ZSCAN5A: variants seen among roughly 807,000 people sequenced by gnomAD.
ZSCAN5A encodes zinc finger and SCAN domain-containing protein 5A.
In ZSCAN5A, 12 loss-of-function variants were observed where a neutral mutation model predicts 23.7. The observed-to-expected ratio is 0.51, with a 90% CI of 0.32 to 0.82. ZSCAN5A has a LOEUF of 0.82. Ranked by LOEUF, ZSCAN5A falls within the 40% of genes least tolerant of loss-of-function variation. The pLI is 0.03. For missense variants in ZSCAN5A, 597 were observed against 617.9 expected (o/e 0.97, Z 0.36); for synonymous variants, 257 against 239.9 (o/e 1.07, Z -0.66).
At chr19:56,258,039 CG>C (rs1333236750) in intron 2 of ZSCAN5A, among the ~76,000 whole-genome samples, 67 of 55,968 alleles carry the variant, frequency 1.2e-3, no homozygotes, top group Non-Finnish European at 1.2e-3. Flanking sequence ...CACCACTGCC[CG>C]ATCTTCTTAG....
intron 2 of ZSCAN5A, among the ~76,000 whole-genome samples, chr19:56,229,326 C>T (rs1051213566): frequency 1.3e-5 from 2 of 152,212 alleles, no homozygotes; most frequent in African/African-American, 4.8e-5. Context: ...GAACTTCAAA[C>T]TTCTTGGGAG....
At chr19:56,289,633 A>G (rs1289672912) in intron 2 of ZSCAN5A, among the ~76,000 whole-genome samples, 2 of 152,014 alleles carry the variant, frequency 1.3e-5, no homozygotes, top group Non-Finnish European at 2.9e-5. Flanking sequence ...GGTTTTTTTG[A>G]GATGGGTTCT....
intron 2 of ZSCAN5A, among the ~76,000 whole-genome samples, chr19:56,311,681 T>G (rs1166694770): frequency 6.6e-6 from 1 of 152,198 alleles, no homozygotes; most frequent in Non-Finnish European, 1.5e-5. Context: ...ATATATATTT[T>G]TAAGTTCCAC....
intron 2 of ZSCAN5A, chr19:56,342,629 A>G (rs968090083): frequency 2.1e-6 from 1 of 472,816 alleles, no homozygotes; most frequent in African/African-American, 2.0e-5. Context: ...GATTAGGGAA[A>G]AAAATTTGGA....
At chr19:56,228,906 A>G (rs770975641) in intron 2 of ZSCAN5A, among the ~76,000 whole-genome samples, 4 of 152,168 alleles carry the variant, frequency 2.6e-5, no homozygotes, top group East Asian at 1.9e-4. Flanking sequence ...CTACCCTTAT[A>G]TAAAAACAGT....
intron 2 of ZSCAN5A, among the ~76,000 whole-genome samples, chr19:56,309,305 G>C (rs2040886197): frequency 6.6e-6 from 1 of 151,142 alleles, no homozygotes; most frequent in African/African-American, 2.4e-5. Context: ...GGGGAGGAAG[G>C]AACAAGGGGA....
At chr19:56,297,489 ATC>A (rs779108171) in intron 2 of ZSCAN5A, 3 of 971,420 alleles carry the variant, frequency 3.1e-6, no homozygotes, top group Non-Finnish European at 3.6e-6. Context: ...TTTCTCCTCC[ATC>A]TCTTCATTTT....
intron 1 of ZSCAN5A, among the ~76,000 whole-genome samples, chr19:56,364,712 T>G (rs764381106): frequency 6.6e-6 from 1 of 152,200 alleles, no homozygotes; most frequent in Non-Finnish European, 1.5e-5. Context: ...ATAAACTAAC[T>G]GGTACATTCA....
At chr19:56,360,039 C>G (rs987019751) in intron 2 of ZSCAN5A, among the ~76,000 whole-genome samples, 3 of 152,142 alleles carry the variant, frequency 2.0e-5, no homozygotes, top group Admixed American at 6.5e-5. Flanking sequence ...TCTCTCACCA[C>G]TCTTATTCAA....
intron 2 of ZSCAN5A, among the ~76,000 whole-genome samples, chr19:56,339,120 C>T (rs140971706): frequency 2.5e-4 from 38 of 152,388 alleles, no homozygotes; most frequent in African/African-American, 9.1e-4. Flanking sequence ...CAAACCTTTT[C>T]TGTAAAGGGT....
intron 2 of ZSCAN5A, among the ~76,000 whole-genome samples, chr19:56,358,901 A>ACT (rs2041714918): frequency 6.6e-6 from 1 of 152,162 alleles, no homozygotes; most frequent in Non-Finnish European, 1.5e-5. Context: ...AACATACCAG[A>ACT]CTCTCTGGGA....
At chr19:56,264,516 G>A (rs1487914587) in intron 2 of ZSCAN5A, among the ~76,000 whole-genome samples, 1 of 152,220 alleles carries the variant, frequency 6.6e-6, no homozygotes, top group Non-Finnish European at 1.5e-5. Flanking sequence ...TGAAGTCAAA[G>A]TTTCATTTAG....
intron 2 of ZSCAN5A, among the ~76,000 whole-genome samples, chr19:56,239,532 A>C (rs560801747): frequency 2.6e-4 from 40 of 152,344 alleles, no homozygotes; most frequent in African/African-American, 9.1e-4. Flanking sequence ...TCCTGGAGTG[A>C]GTGCAGAGTG....
intron 2 of ZSCAN5A, chr19:56,342,468 T>C: frequency 2.5e-6 from 1 of 400,796 alleles, no homozygotes; most frequent in Non-Finnish European, 5.1e-6. Context: ...AGAATTTTCA[T>C]AGGCAAATTC....
At chr19:56,325,293 G>C (rs993885029) in intron 2 of ZSCAN5A, among the ~76,000 whole-genome samples, 1 of 152,124 alleles carries the variant, frequency 6.6e-6, no homozygotes, top group Non-Finnish European at 1.5e-5. Context: ...CCCCTCACAC[G>C]TTTCCCACAC....
chr19:56,324,627 G>A (rs1390248330), intron 2 of ZSCAN5A, among the ~76,000 whole-genome samples: 2 of 143,002 alleles, frequency 1.4e-5, no homozygotes, highest in African/African-American at 5.4e-5. Flanking sequence ...CATTCCCACT[G>A]CTGTGTACAT....
chr19:56,221,407 G>C lies in ZSCAN5A; in HGVS notation c.*168C>G. ...TGGACATAATGAAACAGAAAACAAA[G>C]CTCAGTGGGGAGGACACATATTTAC... On this transcript the variant is annotated 3_prime_UTR_variant, in exon 6 of 6. Coordinates refer to ENST00000683990, the MANE Select transcript of ZSCAN5A (RefSeq NM_001322064.3). 1.4e-6 allele frequency: 1 copy of C among 707,040 alleles called. No homozygotes were observed. Among genetic ancestry groups the C allele is most frequent in the Non-Finnish European group, 2.2e-6 (1 of 451,952 alleles). 43.8% of individuals were successfully genotyped at this position (707,040 alleles called of 1,614,324 possible).
At chr19:56,312,020 G>A (rs1343589961) in intron 2 of ZSCAN5A, 1 of 152,120 alleles carries the variant, frequency 6.6e-6, no homozygotes, top group Non-Finnish European at 1.5e-5. Context: ...TAGCCCAGAA[G>A]CCCGGTAAAA....
At chr19:56,290,858 T>C (rs1476901809) in intron 2 of ZSCAN5A, among the ~76,000 whole-genome samples, 2 of 152,208 alleles carry the variant, frequency 1.3e-5, no homozygotes, top group Non-Finnish European at 2.9e-5. Context: ...TAAGTTATTT[T>C]TCCTTTCCTA....
Sources: allele counts gnomAD v4.1 joint callset (sites outside exome capture counted in the v4.1 genomes callset), GRCh38; gene constraint gnomAD v4.1.1; transcripts MANE v1.5; gene names NCBI Gene and HGNC (gene_info 2026-07-23, HGNC 2026-07-21).